The following SH3D19 variants were observed in gnomAD, a reference collection of about 807,000 sequenced individuals.
SH3D19 encodes the protein SH3 domain containing 19, also known as SH3 domain-containing protein 19.
Under a neutral mutation model 112.1 loss-of-function variants are expected in SH3D19, and 58 were observed. The observed-to-expected ratio is 0.52, with a 90% CI of 0.42 to 0.64. The LOEUF is 0.64. Ranked by LOEUF, SH3D19 falls within the 30% of genes least tolerant of loss-of-function variation. The probability of loss-of-function intolerance (pLI) is 0.00; values close to 1 mark genes in which losing one functional copy is unlikely to be tolerated. For missense variants in SH3D19, 1,090 were observed against 1,263.4 expected, an observed-to-expected ratio of 0.86 and a Z score of 2.08; for synonymous variants, 391 against 448.5, an observed-to-expected ratio of 0.87 and a Z score of 1.62.
chr4:151,132,394 AAAAC>A lies in SH3D19; in HGVS notation c.2690-15_2690-12del, dbSNP rs753068789. The A allele has an allele frequency of 7.3e-5, 118 of 1,612,536 alleles. No homozygotes were observed. The highest frequency in any genetic ancestry group is 9.7e-5 in the Non-Finnish European group (114 of 1,179,168). ...GTGGTACCTTTGTGCCTACATTAAA[AAAAC>A]AAACAAACACAAGAAGTCAGAACAT... On this transcript the variant is annotated splice_polypyrimidine_tract_variant and intron_variant, in intron 16 of 19. Coordinates refer to ENST00000604030, the MANE Select transcript of SH3D19 (RefSeq NM_001378122.1).
chr4:151,241,501 G>A (rs1770556333), intron 1 of SH3D19, among the ~76,000 whole-genome samples: 4 of 148,454 alleles, frequency 2.7e-5, no homozygotes, highest in African/African-American at 1.1e-4. Flanking sequence ...TTCTAAAATT[G>A]ATTATAGTGA....
At chr4:151,309,036 T>G (rs1300655325) in intron 1 of SH3D19, among the ~76,000 whole-genome samples, 1 of 152,110 alleles carries the variant, frequency 6.6e-6, no homozygotes, top group African/African-American at 2.4e-5. Flanking sequence ...GCCCAACTAA[T>G]TTTTGTATTT....
At chr4:151,210,703 C>T (rs1765833799) in intron 2 of SH3D19, among the ~76,000 whole-genome samples, 1 of 150,090 alleles carries the variant, frequency 6.7e-6, no homozygotes, top group African/African-American at 2.5e-5. Context: ...GCCTGGCCCC[C>T]CAGTATTTTT....
chr4:151,289,784 A>T (rs1775148245), intron 1 of SH3D19, among the ~76,000 whole-genome samples: 1 of 152,192 alleles, frequency 6.6e-6, no homozygotes, highest in South Asian at 2.1e-4. Flanking sequence ...TGTCCATACA[A>T]AAACTTGCAC....
intron 2 of SH3D19, among the ~76,000 whole-genome samples, chr4:151,192,834 T>C (rs1762853600): frequency 6.6e-6 from 1 of 152,204 alleles, no homozygotes. Flanking sequence ...GTTTCATATT[T>C]AACTCTATTA....
At chr4:151,297,043 A>G (rs1324739164) in intron 1 of SH3D19, among the ~76,000 whole-genome samples, 1 of 152,244 alleles carries the variant, frequency 6.6e-6, no homozygotes, top group Non-Finnish European at 1.5e-5. Context: ...TGTATAGTCT[A>G]TCCACACACT....
At chr4:151,132,969 T>C in intron 16 of SH3D19, 65 bp downstream of exon 16, 1 of 1,304,102 alleles carries the variant, frequency 7.7e-7, no homozygotes, top group Non-Finnish European at 1.1e-6. Flanking sequence ...AGCTTAAGTA[T>C]AATGATATTA....
chr4:151,320,640 A>C (rs1730440636), intron 1 of SH3D19, among the ~76,000 whole-genome samples: 4 of 152,216 alleles, frequency 2.6e-5, no homozygotes, highest in Admixed American at 1.3e-4. Flanking sequence ...AACACACATA[A>C]CCAACAAAAG....
At chr4:151,191,741 G>T (rs1308439039) in intron 2 of SH3D19, among the ~76,000 whole-genome samples, 1 of 151,780 alleles carries the variant, frequency 6.6e-6, no homozygotes, top group Non-Finnish European at 1.5e-5. Context: ...CACCTCCCAG[G>T]TTCATGCCAT....
chr4:151,258,922 T>C (rs998147982), intron 1 of SH3D19, among the ~76,000 whole-genome samples: 2 of 150,298 alleles, frequency 1.3e-5, no homozygotes, highest in African/African-American at 4.9e-5. Flanking sequence ...CTCCTTCTGC[T>C]GGGGATTTCG....
chr4:151,141,866 C>A (rs1179627705), intron 12 of SH3D19, among the ~76,000 whole-genome samples: 1 of 152,176 alleles, frequency 6.6e-6, no homozygotes, highest in Non-Finnish European at 1.5e-5. Flanking sequence ...TAAACATAAA[C>A]CAGTCCTTGG....
In SH3D19 at chr4:151,228,604, A is replaced by C. The variant is rs17027417; in HGVS notation, c.113-2518T>G. Among the ~76,000 whole-genome samples, 1,338 of 152,314 alleles carry C rather than the reference A, an allele frequency of 8.8e-3. 19 individuals carry two copies. The highest frequency in any genetic ancestry group is 0.031 in the African/African-American group (1,271 of 41,564). On this transcript the variant is annotated intron_variant, in intron 1 of 19. Coordinates refer to ENST00000604030, the MANE Select transcript of SH3D19 (RefSeq NM_001378122.1). ...TCAAGAAATATATTAGTAGAAATAA[A>C]TTTTTTGGCAAAATAATAAGTGGTT...
chr4:151,126,419 A>C (rs2149722979), intron 19 of SH3D19, among the ~76,000 whole-genome samples: 1 of 152,048 alleles, frequency 6.6e-6, no homozygotes. Context: ...TACTAAAACC[A>C]CCCTCCTTCT....
intron 12 of SH3D19, chr4:151,141,232 C>A (rs1035166406): frequency 6.6e-6 from 1 of 150,940 alleles, no homozygotes; most frequent in African/African-American, 2.4e-5. Context: ...GTTAAGTTAT[C>A]CTCCCACTTC....
intron 8 of SH3D19, among the ~76,000 whole-genome samples, chr4:151,163,627 T>C (rs966964469): frequency 1.1e-4 from 16 of 151,414 alleles, no homozygotes; most frequent in African/African-American, 3.9e-4. Flanking sequence ...ATTGCCCAGG[T>C]TGGAGTGCAG....
Position 151,147,392 on chromosome 4 carries a change from G to A in SH3D19, c.2082+530C>T, listed in dbSNP as rs541236032. ...TCCAGCCAGGCAGCAAGTTACAAGC[G>A]GCCTGCCCTGCTTTCTCTCCTCTTT... On this transcript the variant is annotated intron_variant, in intron 11 of 19. Transcript: ENST00000604030. Among the ~76,000 whole-genome samples the A allele has an allele frequency of 2.4e-4, 37 of 152,254 alleles. 2 individuals are homozygous for A. The South Asian group carries it at 5.4e-3, about 22-fold the overall frequency.
chr4:151,293,693 C>T (rs1363677098), intron 1 of SH3D19, among the ~76,000 whole-genome samples: 1 of 152,164 alleles, frequency 6.6e-6, no homozygotes, highest in East Asian at 1.9e-4. Context: ...TACTGCTCCT[C>T]TTTTCCCCCT....
chr4:151,255,559 A>G (rs1771822362), intron 1 of SH3D19, among the ~76,000 whole-genome samples: 1 of 147,808 alleles, frequency 6.8e-6, no homozygotes, highest in African/African-American at 2.5e-5. Context: ...AGCCAGGCAG[A>G]GGGGCTCCTC....
intron 2 of SH3D19, among the ~76,000 whole-genome samples, chr4:151,197,660 G>A (rs1031805572): frequency 3.3e-5 from 5 of 152,038 alleles, no homozygotes; most frequent in South Asian, 4.1e-4. Context: ...TAAAACATAC[G>A]AAAAATCAGT....
Sources: allele counts gnomAD v4.1 joint callset (sites outside exome capture counted in the v4.1 genomes callset), GRCh38; gene constraint gnomAD v4.1.1; transcripts MANE v1.5; gene names NCBI Gene and HGNC (gene_info 2026-07-23, HGNC 2026-07-21).